ARHGAP24: variants seen among roughly 807,000 people sequenced by gnomAD.
ARHGAP24 encodes Rho GTPase activating protein 24, also known as rho GTPase-activating protein 24.
ARHGAP24 carries 50 observed loss-of-function variants against 76.4 expected under a neutral mutation model. The ratio of observed to expected loss-of-function variants is 0.65; its 90% CI spans 0.52 to 0.83. The LOEUF (loss-of-function observed/expected upper bound fraction) is 0.83, where lower values mean the gene tolerates loss of function less well. Among genes scored for constraint, ARHGAP24 ranks in the 40% least tolerant of loss-of-function variants. The pLI is 0.00. For missense variants in ARHGAP24, 930 were observed against 914.2 expected (o/e 1.02, Z -0.22); for synonymous variants, 345 against 323.3 (o/e 1.07, Z -0.72).
At chr4:85,499,443 A>G (rs1346740520) in intron 1 of ARHGAP24, among the ~76,000 whole-genome samples, 1 of 152,238 alleles carries the variant, frequency 6.6e-6, no homozygotes. Flanking sequence ...ACTAGAGGAA[A>G]ACTAGAAAGC....
chr4:85,855,505 G>A (rs754460643), intron 3 of ARHGAP24, among the ~76,000 whole-genome samples: 2 of 151,970 alleles, frequency 1.3e-5, no homozygotes, highest in African/African-American at 2.4e-5. Context: ...TCAGGAGTTC[G>A]AGACCAGCCT....
At chr4:85,945,069 C>G (rs961403041) in intron 5 of ARHGAP24, among the ~76,000 whole-genome samples, 2 of 151,776 alleles carry the variant, frequency 1.3e-5, no homozygotes, top group South Asian at 2.1e-4. Flanking sequence ...TGGTCTCGAA[C>G]TGCCGAGCTC....
intron 3 of ARHGAP24, among the ~76,000 whole-genome samples, chr4:85,821,982 G>T (rs1190128458): frequency 6.6e-6 from 1 of 152,094 alleles, no homozygotes; most frequent in African/African-American, 2.4e-5. Context: ...AATATTACAG[G>T]TTTATATTTT....
intron 3 of ARHGAP24, among the ~76,000 whole-genome samples, chr4:85,838,599 A>G (rs1183235445): frequency 6.6e-6 from 1 of 152,234 alleles, no homozygotes; most frequent in East Asian, 1.9e-4. Context: ...ACTCTGTCTC[A>G]AAGAAAAAGG....
At chr4:85,487,240 T>C (rs1453809777) in intron 1 of ARHGAP24, among the ~76,000 whole-genome samples, 4 of 130,410 alleles carry the variant, frequency 3.1e-5, no homozygotes, top group Admixed American at 2.7e-4. Context: ...ATTTTATATA[T>C]AGTAAATATA....
chr4:85,890,808 T>C (rs973813287), intron 3 of ARHGAP24, among the ~76,000 whole-genome samples: 3 of 152,136 alleles, frequency 2.0e-5, no homozygotes, highest in Admixed American at 2.0e-4. Flanking sequence ...TTTTGAAAGA[T>C]TTTTAAGCAG....
intron 1 of ARHGAP24, among the ~76,000 whole-genome samples, chr4:85,513,412 A>G (rs1373816573): frequency 6.6e-6 from 1 of 152,040 alleles, no homozygotes; most frequent in Non-Finnish European, 1.5e-5. Flanking sequence ...GAGCACTAGT[A>G]CTCCATTACC....
intron 2 of ARHGAP24, among the ~76,000 whole-genome samples, chr4:85,683,109 TGG>T (rs1205882687): frequency 2.3e-4 from 4 of 17,482 alleles, no homozygotes; most frequent in Admixed American, 6.6e-4. Flanking sequence ...TCTCAGTGTG[TGG>T]GGGGGTGGGG....
chr4:85,578,749 T>TATCATCATC (rs3028042), intron 2 of ARHGAP24, among the ~76,000 whole-genome samples: 2 of 151,262 alleles, frequency 1.3e-5, no homozygotes, highest in Non-Finnish European at 2.9e-5. Flanking sequence ...TTGATGTTAC[T>TATCATCATC]ATCATCATCA....
At chr4:85,901,476 T>C (rs778244750) in intron 3 of ARHGAP24, among the ~76,000 whole-genome samples, 8 of 152,262 alleles carry the variant, frequency 5.3e-5, no homozygotes, top group Non-Finnish European at 1.2e-4. Context: ...GGACATTTGA[T>C]GTTGGGTGTT....
At chr4:85,683,117 T>TGGGGGGGGGGGGG (rs201448168) in intron 2 of ARHGAP24, among the ~76,000 whole-genome samples, 12 of 56,942 alleles carry the variant, frequency 2.1e-4, no homozygotes, top group Non-Finnish European at 3.5e-4. Context: ...TGTGGGGGGG[T>TGGGGGGGGGGGGG]GGGGGGGGGG....
chr4:85,614,387 T>C (rs1187022449), intron 2 of ARHGAP24, among the ~76,000 whole-genome samples: 1 of 152,030 alleles, frequency 6.6e-6, no homozygotes, highest in African/African-American at 2.4e-5. Flanking sequence ...TTAATAAATA[T>C]TTATATATAT....
chr4:85,994,511 A>T, intron 8 of ARHGAP24, 72 bp from the exon 9 acceptor site: 2 of 1,401,426 alleles, frequency 1.4e-6, no homozygotes, highest in Non-Finnish European at 2.0e-6. Context: ...GTGTTTCTTT[A>T]AGAGTCACAT....
chr4:85,894,976 AAAAAAAAAAAAACAAAAC>A (rs1734069355), intron 3 of ARHGAP24, among the ~76,000 whole-genome samples: 2 of 37,906 alleles, frequency 5.3e-5, no homozygotes, highest in Admixed American at 2.9e-4. Flanking sequence ...AAAAAAAAAA[AAAAAAAAAAAAACAAAAC>A]AAAAAGCAAA....
chr4:85,901,834 G>C (rs1405447768), intron 3 of ARHGAP24, among the ~76,000 whole-genome samples: 1 of 151,524 alleles, frequency 6.6e-6, no homozygotes, highest in South Asian at 2.1e-4. Flanking sequence ...TTTACTTTAA[G>C]TTCTGGATAC....
intron 2 of ARHGAP24, among the ~76,000 whole-genome samples, chr4:85,578,670 T>C (rs928041928): frequency 3.3e-5 from 5 of 152,220 alleles, no homozygotes; most frequent in Admixed American, 6.5e-5. Context: ...TAACAATACA[T>C]GAAATAATGT....
chr4:85,784,955 CTATCTCTCTA>C (rs1727758431), intron 3 of ARHGAP24, among the ~76,000 whole-genome samples: 2 of 146,952 alleles, frequency 1.4e-5, no homozygotes, highest in African/African-American at 2.7e-5. Flanking sequence ...ATCTATCTAT[CTATCTCTCTA>C]TCTCTCTATC....
At chr4:85,853,150 T>A (rs1215971584) in intron 3 of ARHGAP24, among the ~76,000 whole-genome samples, 1 of 152,216 alleles carries the variant, frequency 6.6e-6, no homozygotes, top group East Asian at 1.9e-4. Context: ...GCTTCCTGGC[T>A]GCTTTGTTTA....
intron 1 of ARHGAP24, among the ~76,000 whole-genome samples, chr4:85,487,966 CG>C (rs1723200160): frequency 6.9e-6 from 1 of 145,164 alleles, no homozygotes; most frequent in Non-Finnish European, 1.5e-5. Context: ...AGTGCAGTGG[CG>C]TGATCTCGGC....
Sources: allele counts gnomAD v4.1 joint callset (sites outside exome capture counted in the v4.1 genomes callset), GRCh38; gene constraint gnomAD v4.1.1; transcripts MANE v1.5; gene names NCBI Gene and HGNC (gene_info 2026-07-23, HGNC 2026-07-21).